Variants in TRIM62 observed in about 807,000 individuals in gnomAD.
TRIM62 encodes the protein tripartite motif containing 62, also known as E3 ubiquitin-protein ligase TRIM62.
TRIM62 carries 39 observed loss-of-function variants against 44.2 expected under a neutral mutation model. The observed-to-expected ratio is 0.88, with a 90% CI of 0.68 to 1.15. TRIM62 has a LOEUF of 1.15. TRIM62 is among the 50% of genes most tolerant of loss of function. The pLI, the probability that TRIM62 is intolerant of heterozygous loss-of-function variation, is 0.00. For synonymous variants in TRIM62, 278 were observed against 292.3 expected (o/e 0.95, Z 0.50); for missense variants, 544 against 665.5 (o/e 0.82, Z 2.01).
At chr1:33,148,152 G>A (rs1443237955) in intron 4 of TRIM62, among the ~76,000 whole-genome samples, 5 of 152,190 alleles carry the variant, frequency 3.3e-5, no homozygotes, top group African/African-American at 1.2e-4. Flanking sequence ...CTTAACAACA[G>A]CTGGGATCCA....
chr1:33,150,265 G>C (rs1325621578), intron 4 of TRIM62, among the ~76,000 whole-genome samples: 1 of 152,206 alleles, frequency 6.6e-6, no homozygotes, highest in Non-Finnish European at 1.5e-5. Flanking sequence ...GGCGAAGTGG[G>C]GACATGGTTA....
chr1:33,170,882 G>A (rs902869847), intron 1 of TRIM62, among the ~76,000 whole-genome samples: 1 of 152,196 alleles, frequency 6.6e-6, no homozygotes, highest in African/African-American at 2.4e-5. Context: ...GTGAGACAAT[G>A]GTAAGAAGTG....
intron 1 of TRIM62, among the ~76,000 whole-genome samples, chr1:33,174,216 T>C (rs1407631826): frequency 6.6e-6 from 1 of 151,896 alleles, no homozygotes; most frequent in Admixed American, 6.6e-5. Context: ...CTCACTCTGT[T>C]GCCCAGGCTG....
chr1:33,147,470 G>A lies in TRIM62; in HGVS notation c.1135C>T (p.Gln379Ter), dbSNP rs745567088. Residue 379 changes from glutamine to a stop codon, truncating the protein, a stop_gained, in exon 5 of 5, where the codon CAG (glutamine) becomes TAG (stop). Coordinates refer to ENST00000291416, the MANE Select transcript of TRIM62 (RefSeq NM_018207.3). LOFTEE classifies it high-confidence loss of function. This position sits in a 1 kb window ranked among gnomAD's most constrained non-coding sequence, Gnocchi z 8.1. ...HEAASRKGSI[Q>*]IQPSRGFYCI... The stretch of plus-strand genomic sequence containing the variant: ...TAGAAGCCGCGGCTGGGCTGGATCT[G>A]GATGCTGCCCTTGCGGCTTGCGGCT... 2.5e-6 allele frequency: 4 copies of A among 1,613,848 alleles called. No homozygotes were observed. In the South Asian group the frequency reaches 3.3e-5, roughly 13 times the overall value.
Position 33,159,890 on chromosome 1 carries a change from G to A in TRIM62, c.559C>T (p.Arg187Trp), listed in dbSNP as rs377504881. 2.9e-5 allele frequency: 46 copies of A among 1,610,962 alleles called. 1 individual carries two copies. The highest frequency in any genetic ancestry group is 2.2e-4 in the East Asian group (10 of 44,888). The change falls in exon 3 of 5, where the codon CGG (arginine) becomes TGG (tryptophan). Residue 187 changes from arginine to tryptophan, a missense_variant. By Grantham distance (101) the Arg-to-Trp change is moderately radical (BLOSUM62 -3). Transcript: ENST00000291416. This position sits in a 1 kb window ranked among gnomAD's most constrained non-coding sequence, Gnocchi z 4.2. ...TIGEAFERLH[R>W]LLRERQKAML... ...GCCTTCTGGCGTTCACGCAGCAGCCGGTGCAGCCGCTCGAAGGCCTCGCCG... is the reference window on the plus strand; with the variant it reads ...GCCTTCTGGCGTTCACGCAGCAGCCAGTGCAGCCGCTCGAAGGCCTCGCCG...
chr1:33,172,927 A>T (rs1205704943), intron 1 of TRIM62, among the ~76,000 whole-genome samples: 13 of 152,184 alleles, frequency 8.5e-5, no homozygotes, highest in Admixed American at 8.5e-4. Flanking sequence ...CAGTGTTGTG[A>T]TGAAGGCTAA....
intron 4 of TRIM62, among the ~76,000 whole-genome samples, chr1:33,152,962 T>C (rs903297843): frequency 1.6e-5 from 2 of 125,996 alleles, no homozygotes; most frequent in Non-Finnish European, 3.2e-5. Context: ...GCCTGGGAGT[T>C]GGGGGATTTA....
Position 33,161,241 on chromosome 1 carries a change from GC to G in TRIM62, c.505-1298del, listed in dbSNP as rs1198394901. On this transcript the variant is annotated intron_variant, in intron 2 of 4. Transcript: ENST00000291416. This position sits in a 1 kb window ranked among gnomAD's most constrained non-coding sequence, Gnocchi z 4.3. ...GTCTTCATTGAGAGACGGGTTCTGA[GC>G]CGGGGCCTGAGGGATGGGCAGGATG... Among the ~76,000 whole-genome samples the G allele has an allele frequency of 6.6e-6, 1 of 152,218 alleles. No individual in the cohort carries two copies. The highest frequency in any genetic ancestry group is 1.5e-5 in the Non-Finnish European group (1 of 68,038).
chr1:33,158,389 G>T, intron 3 of TRIM62, 21 bp from the exon 4 acceptor site: 2 of 1,606,820 alleles, frequency 1.2e-6, no homozygotes, highest in Non-Finnish European at 1.7e-6. Context: ...AGCAGGAAAG[G>T]GGGCTGCACC....
intron 2 of TRIM62, among the ~76,000 whole-genome samples, chr1:33,160,685 G>A (rs968784175): frequency 2.0e-5 from 3 of 152,152 alleles, no homozygotes; most frequent in Non-Finnish European, 2.9e-5. Flanking sequence ...GATTACAGGC[G>A]TGAGCCATCG....
rs1057202192 is a variant in TRIM62, at chr1:33,150,156, C to T, written c.878-2429G>A. Among the ~76,000 whole-genome samples, 38 of 152,350 alleles carry T rather than the reference C, an allele frequency of 2.5e-4. 1 individual carries two copies. Among genetic ancestry groups the T allele is most frequent in the African/African-American group, 8.4e-4 (35 of 41,568 alleles). ...TTTCCTTAGCCTGAATGACCATTTCCAGGCAACAGCAAGACAGAGATGAGG... is the reference window on the plus strand; with the variant it reads ...TTTCCTTAGCCTGAATGACCATTTCTAGGCAACAGCAAGACAGAGATGAGG... On this transcript the variant is annotated intron_variant, in intron 4 of 4. Transcript: ENST00000291416.
rs371814475 is a variant in TRIM62, at chr1:33,158,396, C to T, written c.762-28G>A. ...GGAAGGAGAGCAGGAAAGGGGGCTG[C>T]ACCAGGGACTGGATTCCTGCCCCAA... On this transcript the variant is annotated intron_variant, in intron 3 of 4. Coordinates refer to ENST00000291416, the MANE Select transcript of TRIM62 (RefSeq NM_018207.3). 1.9e-6 allele frequency: 3 copies of T among 1,598,202 alleles called. No homozygotes were observed. The African/African-American group carries it at 4.0e-5, about 21-fold the overall frequency.
At chr1:33,162,337 C>G (rs1448596309) in intron 2 of TRIM62, among the ~76,000 whole-genome samples, 2 of 152,216 alleles carry the variant, frequency 1.3e-5, no homozygotes, top group Non-Finnish European at 2.9e-5. Flanking sequence ...CTGGCAAACT[C>G]CTACTCATCC....
At chr1:33,158,619 A>G (rs1218807110) in intron 3 of TRIM62, among the ~76,000 whole-genome samples, 1 of 152,210 alleles carries the variant, frequency 6.6e-6, no homozygotes, top group Non-Finnish European at 1.5e-5. Flanking sequence ...TACATGGCAT[A>G]ACATATACAG....
chr1:33,161,133 G>A lies in TRIM62; in HGVS notation c.505-1189C>T, dbSNP rs191341596. On this transcript the variant is annotated intron_variant, in intron 2 of 4. Transcript: ENST00000291416. This position sits in a 1 kb window ranked among gnomAD's most constrained non-coding sequence, Gnocchi z 4.3. ...TAGGATTGTGGTGAAGATGAAATGAGGGGGTGTTGTTGTGCGCACTCCAAG... is the reference window on the plus strand; with the variant it reads ...TAGGATTGTGGTGAAGATGAAATGAAGGGGTGTTGTTGTGCGCACTCCAAG... Among the ~76,000 whole-genome samples the A allele has an allele frequency of 1.8e-4, 27 of 152,342 alleles. No individual in the cohort carries two copies. Among genetic ancestry groups the A allele is most frequent in the Admixed American group, 1.6e-3 (25 of 15,308 alleles).
chr1:33,149,119 G>A (rs190754991), intron 4 of TRIM62, among the ~76,000 whole-genome samples: 108 of 152,232 alleles, frequency 7.1e-4, no homozygotes, highest in African/African-American at 2.2e-3. Flanking sequence ...AGATGTGCTC[G>A]TTCTGTCCTC....
At position 33,145,583 on chromosome 1, in the gene TRIM62, G is replaced by A. The variant is rs72884397; in HGVS notation, c.*1594C>T. On this transcript the variant is annotated 3_prime_UTR_variant, in exon 5 of 5. Coordinates refer to ENST00000291416, the MANE Select transcript of TRIM62 (RefSeq NM_018207.3). The stretch of plus-strand genomic sequence containing the variant: ...GGGGCAGCCATTTTAAGAACCCCCT[G>A]TGTTTAGCTCTTCCGGCTACTTTGG... The A allele has an allele frequency of 0.01, 1,865 of 185,824 alleles. 32 individuals carry two copies. Among genetic ancestry groups the A allele is most frequent in the African/African-American group, 0.041 (1,734 of 42,286 alleles). The allele number at this position is 185,824 out of a possible 1,614,324, so 11.5% of individuals were successfully genotyped here. A position where few individuals can be genotyped will look rare whatever the true frequency, so the allele number is the denominator to read the frequency against.
Position 33,181,548 on chromosome 1 carries a change from G to T in TRIM62, c.-116C>A, listed in dbSNP as rs1461249571. On this transcript the variant is annotated 5_prime_UTR_variant, in exon 1 of 5. Transcript: ENST00000291416. This position sits in a 1 kb window ranked among gnomAD's most constrained non-coding sequence, Gnocchi z 6.5. The stretch of plus-strand genomic sequence containing the variant: ...GCGGGGACGAGGCCCGCACAGGCAG[G>T]GGTAGGAGCTACCGGAGAAGGGAGG... The T allele has an allele frequency of 1.4e-6, 2 of 1,425,852 alleles. No homozygotes were observed. The highest frequency in any genetic ancestry group is 9.1e-7 in the Non-Finnish European group (1 of 1,098,492). 88.3% of individuals were successfully genotyped at this position (1,425,852 alleles called of 1,614,324 possible).
At chr1:33,148,939 C>T (rs968130019) in intron 4 of TRIM62, among the ~76,000 whole-genome samples, 1 of 152,162 alleles carries the variant, frequency 6.6e-6, no homozygotes, top group Non-Finnish European at 1.5e-5. Context: ...TGCAATCTAG[C>T]GCCAGTCCTT....
Sources: allele counts gnomAD v4.1 joint callset (sites outside exome capture counted in the v4.1 genomes callset), GRCh38; gene constraint gnomAD v4.1.1; non-coding constraint Gnocchi (gnomAD v3.1); transcripts MANE v1.5; gene names NCBI Gene and HGNC (gene_info 2026-07-23, HGNC 2026-07-21).